The following RHEX variants were observed in gnomAD, a reference collection of about 807,000 sequenced individuals.
RHEX encodes regulator of hemoglobinization and erythroid cell expansion, also known as regulator of hemoglobinization and erythroid cell expansion protein.
A neutral mutation model predicts 20.1 loss-of-function variants in RHEX; 18 were observed. The ratio of observed to expected loss-of-function variants is 0.90; its 90% confidence interval spans 0.62 to 1.33. The LOEUF (loss-of-function observed/expected upper bound fraction) is 1.33. Among genes scored for constraint, RHEX ranks in the 40% most tolerant of loss-of-function variants. The pLI is 0.00. For missense variants in RHEX, 192 were observed against 214.3 expected (o/e 0.90, Z 0.65); for synonymous variants, 87 against 77.1 (o/e 1.13, Z -0.67).
At chr1:206,059,384 C>T (rs1553283038) in intron 1 of RHEX, among the ~76,000 whole-genome samples, 1 of 152,152 alleles carries the variant, frequency 6.6e-6, no homozygotes, top group Non-Finnish European at 1.5e-5. Flanking sequence ...CTTGGTGCCC[C>T]TAAAGGCTGT....
intron 1 of RHEX, among the ~76,000 whole-genome samples, chr1:206,065,647 G>C (rs188685546): frequency 2.6e-4 from 39 of 152,330 alleles, no homozygotes; most frequent in Non-Finnish European, 1.0e-4. Context: ...GATAGTTAGA[G>C]GTGGTGAGAG....
intron 1 of RHEX, among the ~76,000 whole-genome samples, chr1:206,095,736 AACCTGG>A (rs1270559317): frequency 3.3e-5 from 5 of 152,110 alleles, no homozygotes; most frequent in Non-Finnish European, 7.4e-5. Context: ...GAATCGCTTG[AACCTGG>A]GAGGTGGAGG....
At chr1:206,078,606 T>A (rs1662678990) in intron 1 of RHEX, among the ~76,000 whole-genome samples, 1 of 152,044 alleles carries the variant, frequency 6.6e-6, no homozygotes, top group Non-Finnish European at 1.5e-5. Flanking sequence ...AAGCCTGATA[T>A]TTGTAGTGTT....
intron 1 of RHEX, among the ~76,000 whole-genome samples, chr1:206,072,223 A>G (rs553477195): frequency 1.5e-4 from 23 of 152,358 alleles, no homozygotes; most frequent in African/African-American, 4.6e-4. Flanking sequence ...CAAAGGTCCA[A>G]ACATACAAAA....
intron 1 of RHEX, among the ~76,000 whole-genome samples, chr1:206,053,997 G>A (rs1473433058): frequency 6.6e-6 from 1 of 152,080 alleles, no homozygotes; most frequent in African/African-American, 2.4e-5. Flanking sequence ...TTCAACAAAA[G>A]TGAAGTTTGC....
intron 1 of RHEX, among the ~76,000 whole-genome samples, chr1:206,094,494 A>G (rs1571872215): frequency 6.6e-6 from 1 of 152,220 alleles, no homozygotes; most frequent in Non-Finnish European, 1.5e-5. Flanking sequence ...TATGCCTGGA[A>G]TTGTATAAAG....
At chr1:206,075,481 T>C (rs1662620222) in intron 1 of RHEX, among the ~76,000 whole-genome samples, 1 of 152,160 alleles carries the variant, frequency 6.6e-6, no homozygotes, top group South Asian at 2.1e-4. Context: ...GAAATTTAAG[T>C]AAAGATACAG....
At chr1:206,071,446 T>G (rs1227849241) in intron 1 of RHEX, among the ~76,000 whole-genome samples, 1 of 151,834 alleles carries the variant, frequency 6.6e-6, no homozygotes, top group Non-Finnish European at 1.5e-5. Context: ...AACAATACTT[T>G]GCGTCCTTCA....
chr1:206,065,995 C>G (rs1269945608), intron 1 of RHEX, among the ~76,000 whole-genome samples: 1 of 152,264 alleles, frequency 6.6e-6, no homozygotes, highest in Non-Finnish European at 1.5e-5. Flanking sequence ...TGCCATGACA[C>G]ACAGGGCCCG....
At chr1:206,063,637 G>A (rs1481878808) in intron 1 of RHEX, among the ~76,000 whole-genome samples, 3 of 152,258 alleles carry the variant, frequency 2.0e-5, no homozygotes, top group Non-Finnish European at 2.9e-5. Flanking sequence ...TGAGTCATCC[G>A]CCAGCCTCGG....
At chr1:206,072,482 A>T (rs1553284762) in intron 1 of RHEX, among the ~76,000 whole-genome samples, 2 of 152,154 alleles carry the variant, frequency 1.3e-5, no homozygotes, top group Non-Finnish European at 2.9e-5. Flanking sequence ...AGGCTGAGGC[A>T]GGAGAATAGC....
chr1:206,069,895 G>A (rs1662495283), intron 1 of RHEX, among the ~76,000 whole-genome samples: 1 of 151,998 alleles, frequency 6.6e-6, no homozygotes, highest in Non-Finnish European at 1.5e-5. Flanking sequence ...AATTTCCTTG[G>A]GAGCTTAGAG....
At chr1:206,099,543 T>G in intron 3 of RHEX, 112 bp from the exon 4 acceptor site, 1 of 968,352 alleles carries the variant, frequency 1.0e-6, no homozygotes. Context: ...GGTCTCGAAC[T>G]TGTGACCTCA....
chr1:206,055,037 G>A (rs1662159657), intron 1 of RHEX, among the ~76,000 whole-genome samples: 1 of 152,392 alleles, frequency 6.6e-6, no homozygotes, highest in Admixed American at 6.5e-5. Flanking sequence ...TTGTGCACAT[G>A]GCAGGCCAGA....
Position 206,064,179 on chromosome 1 carries a change from G to C in RHEX, c.-97+10914G>C, listed in dbSNP as rs868972531. On this transcript the variant is annotated intron_variant, in intron 1 of 5. Transcript: ENST00000331555. ...GGCAGCCGCCCCGTCTGAGAAGTTA[G>C]GAGCCTCTCCGCCCGGCAGCCGCCC... Among the ~76,000 whole-genome samples the C allele has an allele frequency of 1.2e-4, 18 of 147,180 alleles. No individual in the cohort carries two copies. The South Asian group carries it at 3.9e-3, about 32-fold the overall frequency.
chr1:206,063,549 G>A (rs1024224325), intron 1 of RHEX, among the ~76,000 whole-genome samples: 3 of 152,256 alleles, frequency 2.0e-5, no homozygotes, highest in African/African-American at 4.8e-5. Context: ...GCGCCGCCAC[G>A]CCTGACTGGT....
intron 1 of RHEX, among the ~76,000 whole-genome samples, chr1:206,091,128 T>G (rs1200191649): frequency 6.6e-6 from 1 of 152,234 alleles, no homozygotes; most frequent in Non-Finnish European, 1.5e-5. Context: ...TTAGGTAGCC[T>G]TTCTGTGTCT....
intron 1 of RHEX, among the ~76,000 whole-genome samples, chr1:206,093,694 C>T (rs1663006888): frequency 2.0e-5 from 3 of 151,788 alleles, no homozygotes; most frequent in South Asian, 4.1e-4. Context: ...TTTTTATTCT[C>T]CCCCTGATAT....
chr1:206,064,458 C>T (rs1553283864), intron 1 of RHEX, among the ~76,000 whole-genome samples: 1 of 54,874 alleles, frequency 1.8e-5, no homozygotes, highest in Admixed American at 1.5e-4. Flanking sequence ...GCCCCCCGCC[C>T]GACCAGCCGC....
Sources: gnomAD v4.1 joint callset for allele counts (sites outside exome capture counted in the v4.1 genomes callset) on GRCh38, gnomAD v4.1.1 for gene constraint, MANE v1.5 for transcripts, NCBI Gene and HGNC (gene_info 2026-07-23, HGNC 2026-07-21) for gene names.